XPO4: variants seen among roughly 807,000 people sequenced by gnomAD.
XPO4 encodes exportin-4.
In XPO4, 39 loss-of-function variants were observed where a neutral mutation model predicts 143.0. The ratio of observed to expected loss-of-function variants is 0.27; its 90% CI spans 0.21 to 0.36. The LOEUF is 0.36. Among genes scored for constraint, XPO4 ranks in the 10% least tolerant of loss-of-function variants. The probability of loss-of-function intolerance (pLI) is 1.00; values close to 1 mark genes in which losing one functional copy is unlikely to be tolerated. For synonymous variants in XPO4, 439 were observed against 474.0 expected, an observed-to-expected ratio of 0.93 and a Z score of 0.96; for missense variants, 907 against 1,348.0, an observed-to-expected ratio of 0.67 and a Z score of 5.12.
intron 6 of XPO4, among the ~76,000 whole-genome samples, chr13:20,840,590 A>G (rs1175782431): frequency 6.6e-6 from 1 of 152,214 alleles, no homozygotes; most frequent in Non-Finnish European, 1.5e-5. Context: ...CCATGGTACA[A>G]GGCTGCATAA....
intron 13 of XPO4, among the ~76,000 whole-genome samples, chr13:20,806,092 A>C (rs2059500089): frequency 1.3e-5 from 2 of 152,224 alleles, no homozygotes; most frequent in Admixed American, 6.5e-5. Flanking sequence ...ATAATATGAC[A>C]GCACCCTGAA....
In XPO4 at chr13:20,787,428, G is replaced by T; in HGVS notation, c.3165+53C>A. ...ATTTGAATGCAGAATTATGTGCACC[G>T]ACCACACTTTTGAAAGTAGCTGATT... On this transcript the variant is annotated intron_variant, in intron 21 of 22. Coordinates refer to ENST00000255305, the MANE Select transcript of XPO4 (RefSeq NM_022459.5). 3 of 1,514,082 alleles carry T rather than the reference G, an allele frequency of 2.0e-6. No homozygotes were observed. In the South Asian group the frequency reaches 3.4e-5, roughly 17 times the overall value. 93.8% of individuals were successfully genotyped at this position (1,514,082 alleles called of 1,614,324 possible). A position where few individuals can be genotyped will look rare whatever the true frequency, so the allele number is the denominator to read the frequency against.
At chr13:20,786,902 T>G in intron 22 of XPO4, 63 bp downstream of exon 22, 1 of 1,374,710 alleles carries the variant, frequency 7.3e-7, no homozygotes, top group East Asian at 2.6e-5. Flanking sequence ...CCACCATCTA[T>G]CTCAACAATC....
intron 4 of XPO4, chr13:20,852,200 C>T (rs1051942329): frequency 1.0e-6 from 1 of 985,292 alleles, no homozygotes. Context: ...CTCAGAGTTA[C>T]TAGTAATGTT....
intron 14 of XPO4, 37 bp from the exon 15 acceptor site, chr13:20,800,362 A>G: frequency 1.9e-6 from 3 of 1,579,968 alleles, no homozygotes; most frequent in Non-Finnish European, 2.6e-6. Flanking sequence ...GGTAAGCAAG[A>G]AAGATCAACT....
chr13:20,790,554 C>T lies in XPO4; in HGVS notation c.2824G>A (p.Gly942Ser). Reference sequence around the variant, plus strand: ...GACACAGATCTGTTTGCTGCTTGACCTGGCTCATGTCCTCTAAACACTTCA... The same window carrying T: ...GACACAGATCTGTTTGCTGCTTGACTTGGCTCATGTCCTCTAAACACTTCA... ...TDEVFRGHEP[G>S]QAANRSVSAA... The change falls in exon 19 of 23, where the codon GGT becomes AGT. Residue 942 changes from glycine (G) to serine (S), a missense_variant. Coordinates refer to ENST00000255305, the MANE Select transcript of XPO4 (RefSeq NM_022459.5). The T allele has an allele frequency of 6.2e-7, 1 of 1,614,108 alleles. No individual in the cohort carries two copies. The highest frequency in any genetic ancestry group is 8.5e-7 in the Non-Finnish European group (1 of 1,180,004).
intron 1 of XPO4, among the ~76,000 whole-genome samples, chr13:20,889,473 T>C (rs961271009): frequency 3.9e-5 from 6 of 152,134 alleles, no homozygotes; most frequent in African/African-American, 1.2e-4. Flanking sequence ...TTGCCACAAC[T>C]GGGGAGCACT....
chr13:20,891,944 C>G (rs1324086498), intron 1 of XPO4, among the ~76,000 whole-genome samples: 4 of 151,962 alleles, frequency 2.6e-5, no homozygotes, highest in Non-Finnish European at 5.9e-5. Flanking sequence ...CTTATCCACC[C>G]AGGGAAGTGG....
chr13:20,823,427 T>G (rs993867070), intron 7 of XPO4, among the ~76,000 whole-genome samples: 2 of 152,228 alleles, frequency 1.3e-5, no homozygotes. Context: ...AAACACTAAG[T>G]AATCTCTAAA....
intron 4 of XPO4, among the ~76,000 whole-genome samples, chr13:20,847,615 T>G (rs905155391): frequency 6.6e-6 from 1 of 152,198 alleles, no homozygotes; most frequent in African/African-American, 2.4e-5. Flanking sequence ...TACTGACCAG[T>G]ATCTTCAAGT....
intron 4 of XPO4, chr13:20,849,676 C>T (rs1176089749): frequency 1.0e-6 from 1 of 984,456 alleles, no homozygotes. Flanking sequence ...CATAAATTAA[C>T]TAAGAATACA....
chr13:20,868,181 AACT>A (rs907010276), intron 2 of XPO4, among the ~76,000 whole-genome samples: 3 of 150,860 alleles, frequency 2.0e-5, no homozygotes, highest in African/African-American at 7.3e-5. Context: ...AAAAAAAAAA[AACT>A]ATGGAAAACA....
chr13:20,809,164 C>A lies in XPO4; in HGVS notation c.1412G>T (p.Arg471Leu). The A allele has an allele frequency of 6.2e-7, 1 of 1,614,086 alleles. No homozygotes were observed. Among genetic ancestry groups the A allele is most frequent in the Non-Finnish European group, 8.5e-7 (1 of 1,180,000 alleles). Residue 471 changes from arginine (R) to leucine (L), a missense_variant, in exon 11 of 23, where the codon CGA becomes CTA. By Grantham distance (102) the Arg-to-Leu change is moderately radical (BLOSUM62 -2). Coordinates refer to ENST00000255305, the MANE Select transcript of XPO4 (RefSeq NM_022459.5). The part of the protein sequence containing the change: ...EEISELQEDD[R>L]DQFSDQLASV... ...GGCCAGTTGATCAGAAAACTGGTCT[C>A]GATCATCCTCTTGAAGTTCACTTAT...
Position 20,781,630 on chromosome 13 carries a change from C to G in XPO4, c.*2092G>C, listed in dbSNP as rs1462660307. 6.6e-6 allele frequency: 1 copy of G among 152,180 alleles called. No individual in the cohort carries two copies. Among genetic ancestry groups the G allele is most frequent in the African/African-American group, 2.4e-5 (1 of 41,360 alleles). The allele number at this position is 152,180 out of a possible 1,614,324, so 9.4% of individuals were successfully genotyped here. On this transcript the variant is annotated 3_prime_UTR_variant, in exon 23 of 23. Transcript: ENST00000255305. ...GATAAAAGTTATTAAATATAGATGCCTTTTTACTTACCAAGGCATTCCTTT... is the reference window on the plus strand; with the variant it reads ...GATAAAAGTTATTAAATATAGATGCGTTTTTACTTACCAAGGCATTCCTTT...
chr13:20,842,847 A>C (rs1008841358), intron 6 of XPO4, 48 bp downstream of exon 6: 1 of 1,525,442 alleles, frequency 6.6e-7, no homozygotes, highest in Non-Finnish European at 8.9e-7. Flanking sequence ...TAATTAAGTC[A>C]CCTATGAAAA....
intron 1 of XPO4, among the ~76,000 whole-genome samples, chr13:20,877,125 G>A (rs1288056938): frequency 6.6e-6 from 1 of 152,176 alleles, no homozygotes; most frequent in East Asian, 1.9e-4. Flanking sequence ...GACCCAGGAA[G>A]TCCAGCTGGC....
intron 3 of XPO4, among the ~76,000 whole-genome samples, chr13:20,859,217 C>T (rs1190968384): frequency 6.6e-6 from 1 of 151,732 alleles, no homozygotes; most frequent in Non-Finnish European, 1.5e-5. Flanking sequence ...ACCTGTAATC[C>T]CAGCACTTTG....
chr13:20,845,346 G>A (rs1363365272), intron 4 of XPO4, among the ~76,000 whole-genome samples: 1 of 152,148 alleles, frequency 6.6e-6, no homozygotes, highest in Non-Finnish European at 1.5e-5. Context: ...GAATCTAGGG[G>A]TATGATCAAA....
At chr13:20,841,727 C>G (rs1265697955) in intron 6 of XPO4, among the ~76,000 whole-genome samples, 4 of 151,948 alleles carry the variant, frequency 2.6e-5, no homozygotes, top group African/African-American at 4.8e-5. Flanking sequence ...CCCCACCACA[C>G]TCCTTTAAAT....
Sources: allele counts gnomAD v4.1 joint callset (sites outside exome capture counted in the v4.1 genomes callset), GRCh38; gene constraint gnomAD v4.1.1; transcripts MANE v1.5; gene names NCBI Gene and HGNC (gene_info 2026-07-23, HGNC 2026-07-21).